The following UBR2 variants were observed in gnomAD, a reference collection of about 807,000 sequenced individuals.
The protein encoded by UBR2 is E3 ubiquitin-protein ligase UBR2.
UBR2 carries 92 observed loss-of-function variants against 247.9 expected under a neutral mutation model. The observed-to-expected ratio is 0.37, with a 90% CI of 0.31 to 0.44. UBR2 has a LOEUF of 0.44. UBR2 is among the 20% of genes least tolerant of loss of function. UBR2 has a pLI of 1.00. For missense variants in UBR2, 1,613 were observed against 2,112.6 expected (o/e 0.76, Z 4.64); for synonymous variants, 672 against 693.5 (o/e 0.97, Z 0.49).
intron 2 of UBR2, among the ~76,000 whole-genome samples, chr6:42,580,293 G>T (rs1244412908): frequency 6.6e-6 from 1 of 152,152 alleles, no homozygotes; most frequent in Non-Finnish European, 1.5e-5. Context: ...TTATTTTGGA[G>T]ATTTGTGATT....
intron 2 of UBR2, among the ~76,000 whole-genome samples, chr6:42,583,963 C>A: frequency 6.7e-6 from 1 of 149,688 alleles, no homozygotes; most frequent in South Asian, 2.1e-4. Context: ...TTTAGTTGTT[C>A]CAGCATCATT....
intron 18 of UBR2, 135 bp from the exon 19 acceptor site, chr6:42,644,079 G>A (rs985786223): frequency 1.1e-5 from 9 of 831,736 alleles, no homozygotes; most frequent in Non-Finnish European, 1.7e-5. Flanking sequence ...TCTTTTATTG[G>A]GATTGGTGAA....
chr6:42,652,897 T>C (rs561904895), intron 25 of UBR2, among the ~76,000 whole-genome samples: 1 of 152,342 alleles, frequency 6.6e-6, no homozygotes, highest in East Asian at 1.9e-4. Flanking sequence ...TCTTTATATA[T>C]GTAGTATTCT....
chr6:42,674,208 G>A lies in UBR2; in HGVS notation c.4251+15G>A, dbSNP rs1275773721. On this transcript the variant is annotated intron_variant, in intron 38 of 46. Transcript: ENST00000372901. ...TTCATTTATTGGTGGGTATTGTGCA[G>A]TTTGTTTGGACTTCTACGTCATACT... is the stretch of plus-strand genomic sequence containing the variant. The A allele has an allele frequency of 6.2e-7, 1 of 1,611,166 alleles. No homozygotes were observed. The highest frequency in any genetic ancestry group is 1.7e-5 in the Admixed American group (1 of 59,468).
Position 42,659,505 on chromosome 6 carries a change from A to C in UBR2, c.3243-151A>C. ...ACAGAGCAAGACTCTGTCTCAAAAA[A>C]TAAATAAATATATATACACACACAC... On this transcript the variant is annotated intron_variant, in intron 29 of 46. Coordinates refer to ENST00000372901, the MANE Select transcript of UBR2 (RefSeq NM_001363705.2). This position sits in a 1 kb window ranked among gnomAD's most constrained non-coding sequence, Gnocchi z 4.3. 1.7e-6 allele frequency: 1 copy of C among 595,928 alleles called. No individual in the cohort carries two copies. Among genetic ancestry groups the C allele is most frequent in the Non-Finnish European group, 2.6e-6 (1 of 390,200 alleles). The allele number at this position is 595,928 out of a possible 1,614,324, so 36.9% of individuals were successfully genotyped here.
chr6:42,653,248 G>A (rs1039710422), intron 25 of UBR2, among the ~76,000 whole-genome samples: 1 of 151,906 alleles, frequency 6.6e-6, no homozygotes, highest in African/African-American at 2.4e-5. Flanking sequence ...CAACATCTGC[G>A]TAATTTCTGT....
At chr6:42,674,013 C>T in intron 37 of UBR2, 113 bp from the exon 38 acceptor site, 1 of 1,296,164 alleles carries the variant, frequency 7.7e-7, no homozygotes, top group Non-Finnish European at 1.1e-6. Context: ...TATATAAGCT[C>T]TAGCTTATAA....
At chr6:42,605,627 C>A in intron 5 of UBR2, 94 bp from the exon 6 acceptor site, 3 of 1,132,096 alleles carry the variant, frequency 2.6e-6, no homozygotes, top group Non-Finnish European at 3.7e-6. Context: ...CAGTACCTAG[C>A]ACATTGCATA....
intron 40 of UBR2, among the ~76,000 whole-genome samples, chr6:42,677,440 C>T (rs1798776551): frequency 6.6e-6 from 1 of 151,978 alleles, no homozygotes; most frequent in African/African-American, 2.4e-5. Context: ...CCTACATTAA[C>T]AAAATAATTC....
At chr6:42,663,445 T>TAG in intron 32 of UBR2, 26 bp downstream of exon 32, 2 of 1,586,570 alleles carry the variant, frequency 1.3e-6, no homozygotes, top group Non-Finnish European at 1.7e-6. Flanking sequence ...TGACAACTAT[T>TAG]ACAAAGCAAT....
chr6:42,585,004 A>G (rs1019835761), intron 2 of UBR2, among the ~76,000 whole-genome samples: 1 of 152,090 alleles, frequency 6.6e-6, no homozygotes, highest in Non-Finnish European at 1.5e-5. Context: ...CTCTGGTGAA[A>G]GTGGATATTC....
At chr6:42,614,395 C>T (rs1417275539) in intron 8 of UBR2, among the ~76,000 whole-genome samples, 8 of 114,968 alleles carry the variant, frequency 7.0e-5, no homozygotes, top group African/African-American at 1.7e-4. Flanking sequence ...TATGTACGTA[C>T]ATACATACGT....
chr6:42,599,894 C>G (rs1018129854), intron 4 of UBR2, among the ~76,000 whole-genome samples: 1 of 151,914 alleles, frequency 6.6e-6, no homozygotes, highest in African/African-American at 2.4e-5. Context: ...CCACGCCTAG[C>G]TAGAATTGTT....
chr6:42,626,297 A>G lies in UBR2; in HGVS notation c.1282-6255A>G, dbSNP rs191864796. ...TGATTTAAGGCTTAGGTTTCCATCT[A>G]AGCATAATTTTAACTGCATGTCACA... On this transcript the variant is annotated intron_variant, in intron 11 of 46. Coordinates refer to ENST00000372901, the MANE Select transcript of UBR2 (RefSeq NM_001363705.2). 4.2e-4 allele frequency among the ~76,000 whole-genome samples: 64 copies of G among 151,978 alleles called. No homozygotes were observed. In the East Asian group the frequency reaches 0.012, roughly 29 times the overall value.
chr6:42,686,819 C>A (rs950552237), intron 44 of UBR2, among the ~76,000 whole-genome samples: 1 of 151,608 alleles, frequency 6.6e-6, no homozygotes, highest in African/African-American at 2.4e-5. Flanking sequence ...GGGCGGCTGC[C>A]GGGCGGAGGG....
chr6:42,566,812 G>A (rs1205746086), intron 1 of UBR2, among the ~76,000 whole-genome samples: 1 of 151,812 alleles, frequency 6.6e-6, no homozygotes, highest in Admixed American at 6.6e-5. Flanking sequence ...GCTCACTGCA[G>A]CCTTGACCTC....
Position 42,658,325 on chromosome 6 carries a change from A to G in UBR2, c.3063+5A>G. 1.2e-5 allele frequency: 19 copies of G among 1,607,204 alleles called. No homozygotes were observed. The highest frequency in any genetic ancestry group is 1.6e-5 in the Non-Finnish European group (19 of 1,178,080). On this transcript the variant is annotated splice_donor_5th_base_variant and intron_variant, in intron 28 of 46. Coordinates refer to ENST00000372901, the MANE Select transcript of UBR2 (RefSeq NM_001363705.2). The stretch of plus-strand genomic sequence containing the variant: ...GAAGGAACCATAATGGAAGAGGTAT[A>G]AACAGTAAAAAGTGTGATAATACTA...
intron 15 of UBR2, among the ~76,000 whole-genome samples, chr6:42,637,463 G>GGCCAT (rs1796167090): frequency 6.6e-6 from 1 of 151,960 alleles, no homozygotes; most frequent in South Asian, 2.1e-4. Context: ...TGGCACCAGA[G>GGCCAT]GCCATGTTTA....
chr6:42,655,342 G>C (rs754807602), intron 25 of UBR2, among the ~76,000 whole-genome samples: 1 of 151,708 alleles, frequency 6.6e-6, no homozygotes, highest in Non-Finnish European at 1.5e-5. Context: ...GCCGGGTGTG[G>C]TGGCACGCGC....
Sources: gnomAD v4.1 joint callset for allele counts (sites outside exome capture counted in the v4.1 genomes callset) on GRCh38, gnomAD v4.1.1 for gene constraint, Gnocchi (gnomAD v3.1) non-coding constraint, MANE v1.5 for transcripts, NCBI Gene and HGNC (gene_info 2026-07-23, HGNC 2026-07-21) for gene names.